Variants in NDUFB6 observed in about 807,000 individuals in gnomAD.
NDUFB6 encodes NADH:ubiquinone oxidoreductase subunit B6.
In NDUFB6, 23 loss-of-function variants were observed where a neutral mutation model predicts 17.5. The observed-to-expected ratio is 1.31, with a 90% CI of 0.94 to 1.86. The LOEUF (loss-of-function observed/expected upper bound fraction) is 1.86. NDUFB6 is among the 40% of genes most tolerant of loss of function. The pLI is 0.00. For missense variants in NDUFB6, 167 were observed against 153.8 expected (o/e 1.09, Z -0.46); for synonymous variants, 60 against 53.5 (o/e 1.12, Z -0.53).
chr9:32,555,066 G>T (rs1821418837), intron 3 of NDUFB6, among the ~76,000 whole-genome samples: 1 of 151,714 alleles, frequency 6.6e-6, no homozygotes, highest in Non-Finnish European at 1.5e-5. Context: ...GAACACTTTG[G>T]TGCACGCTAG....
intron 2 of NDUFB6, chr9:32,567,176 G>C (rs1292750363): frequency 8.4e-6 from 4 of 475,090 alleles, no homozygotes; most frequent in Non-Finnish European, 1.7e-5. Flanking sequence ...GCACCCGCTG[G>C]CCAGCTGCTC....
chr9:32,565,892 A>G (rs1374607287), intron 2 of NDUFB6, among the ~76,000 whole-genome samples: 3 of 152,138 alleles, frequency 2.0e-5, no homozygotes, highest in Non-Finnish European at 2.9e-5. Flanking sequence ...GAATCACTTG[A>G]ACCCGGGAGG....
chr9:32,560,667 G>A (rs1282095843), intron 2 of NDUFB6, among the ~76,000 whole-genome samples: 5 of 151,972 alleles, frequency 3.3e-5, no homozygotes, highest in Non-Finnish European at 5.9e-5. Flanking sequence ...TAAATACTTC[G>A]AAATAAAATT....
intron 2 of NDUFB6, among the ~76,000 whole-genome samples, chr9:32,563,782 T>G (rs1821698523): frequency 6.6e-6 from 1 of 152,204 alleles, no homozygotes; most frequent in East Asian, 1.9e-4. Flanking sequence ...CAGTTTGCAC[T>G]CATGGATTTT....
In NDUFB6 at chr9:32,566,457, G is replaced by A; in HGVS notation, c.273+4503C>T. 11 of 813,378 alleles carry A rather than the reference G, an allele frequency of 1.4e-5. No homozygotes were observed. The South Asian group carries it at 1.5e-4, about 11-fold the overall frequency. The allele number at this position is 813,378 out of a possible 1,614,324, so 50.4% of individuals were successfully genotyped here. ...AGGGGTTGATGGAGTATCTTGACAAGCAGCCGTCCATGTCGAAGGGACCCT... is the reference window on the plus strand; with the variant it reads ...AGGGGTTGATGGAGTATCTTGACAAACAGCCGTCCATGTCGAAGGGACCCT... On this transcript the variant is annotated intron_variant, in intron 2 of 3. Coordinates refer to ENST00000379847, the MANE Select transcript of NDUFB6 (RefSeq NM_002493.5).
At position 32,566,852 on chromosome 9, in the gene NDUFB6, G is replaced by A. The variant is rs570321523; in HGVS notation, c.273+4108C>T. On this transcript the variant is annotated intron_variant, in intron 2 of 3. Coordinates refer to ENST00000379847, the MANE Select transcript of NDUFB6 (RefSeq NM_002493.5). ...GCCTGCTCATCACACAGTAGCTGCC[G>A]GGCGGCCTGGATGAGCCACGCGTGC... The A allele has an allele frequency of 1.7e-3, 1,373 of 803,758 alleles. 13 individuals carry two copies. The African/African-American group carries it at 0.021, about 13-fold the overall frequency. The allele number at this position is 803,758 out of a possible 1,614,324, so 49.8% of individuals were successfully genotyped here.
chr9:32,565,874 A>G (rs1436109531), intron 2 of NDUFB6, among the ~76,000 whole-genome samples: 1 of 152,154 alleles, frequency 6.6e-6, no homozygotes, highest in Non-Finnish European at 1.5e-5. Context: ...TGGGAGGTTG[A>G]GGCAGGAGAA....
chr9:32,571,945 G>A (rs532247024), intron 1 of NDUFB6, among the ~76,000 whole-genome samples: 1 of 152,196 alleles, frequency 6.6e-6, no homozygotes, highest in Non-Finnish European at 1.5e-5. Context: ...AGCACAGTAA[G>A]AATCAGATAC....
At chr9:32,568,546 T>TA (rs1821862574) in intron 2 of NDUFB6, 1 of 185,240 alleles carries the variant, frequency 5.4e-6, no homozygotes, top group South Asian at 1.4e-4. Context: ...ATACTGTGGG[T>TA]AAAATGCTAT....
rs747359834 is a variant in NDUFB6 at position 32,572,848 on chromosome 9, T to C, written c.180+33A>G. 7 of 1,521,882 alleles carry C rather than the reference T, an allele frequency of 4.6e-6. No homozygotes were observed. The Admixed American group carries it at 1.2e-4, about 26-fold the overall frequency. 94.3% of individuals were successfully genotyped at this position (1,521,882 alleles called of 1,614,324 possible). A position where few individuals can be genotyped will look rare whatever the true frequency, so the allele number is the denominator to read the frequency against. The stretch of plus-strand genomic sequence containing the variant: ...TCAGGCTGCCGGCAGCAGTGGGATG[T>C]GTTGGGGGGGACCGGAGAGGTCTGT... On this transcript the variant is annotated intron_variant, in intron 1 of 3. Transcript: ENST00000379847.
In NDUFB6 at chr9:32,553,703, C is replaced by A; in HGVS notation, c.*173G>T. 1.8e-6 allele frequency: 1 copy of A among 558,002 alleles called. No individual in the cohort carries two copies. Among genetic ancestry groups the A allele is most frequent in the Non-Finnish European group, 3.2e-6 (1 of 312,356 alleles). 34.6% of individuals were successfully genotyped at this position (558,002 alleles called of 1,614,324 possible). On this transcript the variant is annotated 3_prime_UTR_variant, in exon 4 of 4. Coordinates refer to ENST00000379847, the MANE Select transcript of NDUFB6 (RefSeq NM_002493.5). Reference sequence around the variant, plus strand: ...GTCTCTCATATTTGTTTAGCATGTCCACTTTTTACTTATTGTTAAATTACT... The same window carrying A: ...GTCTCTCATATTTGTTTAGCATGTCAACTTTTTACTTATTGTTAAATTACT...
intron 2 of NDUFB6, chr9:32,566,981 G>C: frequency 2.0e-6 from 1 of 509,346 alleles, no homozygotes; most frequent in East Asian, 4.8e-5. Flanking sequence ...AGGACGCTTC[G>C]GTCAGCTCCA....
In NDUFB6 at chr9:32,557,341, T is replaced by G. The variant is rs2119003405; in HGVS notation, c.318+1569A>C. ...ACCACACCTGGCTAATTTTTGTATT[T>G]TTTTTTTAGTACAGATGGTGTTTCA... On this transcript the variant is annotated intron_variant, in intron 3 of 3. Coordinates refer to ENST00000379847, the MANE Select transcript of NDUFB6 (RefSeq NM_002493.5). Among the ~76,000 whole-genome samples, 3 of 151,096 alleles carry G rather than the reference T, an allele frequency of 2.0e-5. 1 individual carries two copies. The Middle Eastern group carries it at 0.01, about 525-fold the overall frequency.
intron 1 of NDUFB6, among the ~76,000 whole-genome samples, chr9:32,571,685 A>G (rs971976440): frequency 6.6e-6 from 1 of 152,244 alleles, no homozygotes; most frequent in African/African-American, 2.4e-5. Context: ...TCTAAGAATT[A>G]TAACAGATAT....
chr9:32,558,584 GC>G (rs1207243030), intron 3 of NDUFB6, among the ~76,000 whole-genome samples: 1 of 152,190 alleles, frequency 6.6e-6, no homozygotes, highest in African/African-American at 2.4e-5. Context: ...CATGCCCTAA[GC>G]TCTTTACCCA....
chr9:32,572,364 G>A (rs960141420), intron 1 of NDUFB6, among the ~76,000 whole-genome samples: 3 of 152,102 alleles, frequency 2.0e-5, no homozygotes, highest in Non-Finnish European at 4.4e-5. Context: ...AGTTTAGAAA[G>A]GTAGCTCTTG....
Position 32,558,948 on chromosome 9 carries a change from G to T in NDUFB6, c.280C>A (p.Pro94Thr). Residue 94 changes from proline (P) to threonine (T), a missense_variant, in exon 3 of 4, where the codon CCA (proline) becomes ACA (threonine). Physicochemically the swap from Pro to Thr is conservative, Grantham distance 38. Transcript: ENST00000379847. ...GACTTCTTTTCAACTATGCCATATG[G>T]TTTTTCCTGTAATAAAAGTTAACTC... ...YYMKYHVSEK[P>T]YGIVEKKSRI... is the part of the protein sequence containing the mutation. 1 of 1,580,270 alleles carries T rather than the reference G, an allele frequency of 6.3e-7. No individual in the cohort carries two copies. Among genetic ancestry groups the T allele is most frequent in the Non-Finnish European group, 8.7e-7 (1 of 1,152,994 alleles).
intron 1 of NDUFB6, among the ~76,000 whole-genome samples, chr9:32,571,537 C>T (rs1310849470): frequency 6.6e-6 from 1 of 152,134 alleles, no homozygotes; most frequent in Admixed American, 6.5e-5. Context: ...GTTTTACATA[C>T]TAAGATGGGG....
intron 2 of NDUFB6, among the ~76,000 whole-genome samples, chr9:32,565,847 C>T (rs764362756): frequency 6.6e-6 from 1 of 152,100 alleles, no homozygotes; most frequent in Non-Finnish European, 1.5e-5. Flanking sequence ...TGGCACATAC[C>T]TGTAATCCTA....
Sources: gnomAD v4.1 joint callset for allele counts (sites outside exome capture counted in the v4.1 genomes callset) on GRCh38, gnomAD v4.1.1 for gene constraint, MANE v1.5 for transcripts, NCBI Gene and HGNC (gene_info 2026-07-23, HGNC 2026-07-21) for gene names.